Variants in NEK10 observed in about 807,000 individuals in gnomAD.
NEK10 encodes serine/threonine-protein kinase Nek10.
Under a neutral mutation model 159.8 loss-of-function variants are expected in NEK10, and 122 were observed. That is an observed-to-expected ratio of 0.76 (90% CI 0.66 to 0.89). The LOEUF (loss-of-function observed/expected upper bound fraction) is 0.89. Among genes scored for constraint, NEK10 ranks in the 40% least tolerant of loss-of-function variants. The pLI, the probability that NEK10 is intolerant of heterozygous loss-of-function variation, is 0.00. For missense variants in NEK10, 1,342 were observed against 1,323.1 expected (o/e 1.01, Z -0.22); for synonymous variants, 466 against 457.1 (o/e 1.02, Z -0.25).
At chr3:27,186,991 T>G (rs1385940910) in intron 26 of NEK10, among the ~76,000 whole-genome samples, 1 of 152,108 alleles carries the variant, frequency 6.6e-6, no homozygotes, top group African/African-American at 2.4e-5. Context: ...CTGCTTAAAC[T>G]AAGAATGCCA....
intron 1 of NEK10, among the ~76,000 whole-genome samples, chr3:27,362,167 G>C (rs1470097268): frequency 6.6e-6 from 1 of 152,174 alleles, no homozygotes; most frequent in Non-Finnish European, 1.5e-5. Context: ...AGGATGGGCA[G>C]GGGGGTGAAC....
chr3:27,169,474 G>A (rs1459959163), intron 29 of NEK10, among the ~76,000 whole-genome samples: 1 of 152,112 alleles, frequency 6.6e-6, no homozygotes, highest in Non-Finnish European at 1.5e-5. Flanking sequence ...ATATCTTTCT[G>A]ATAGATCATA....
At chr3:27,140,306 T>C (rs1943658487) in intron 31 of NEK10, among the ~76,000 whole-genome samples, 1 of 152,154 alleles carries the variant, frequency 6.6e-6, no homozygotes, top group Non-Finnish European at 1.5e-5. Flanking sequence ...AGCCCCTTGA[T>C]TAAGTGGAAA....
chr3:27,178,860 A>G (rs1947784348), intron 26 of NEK10, among the ~76,000 whole-genome samples: 1 of 152,210 alleles, frequency 6.6e-6, no homozygotes, highest in African/African-American at 2.4e-5. Flanking sequence ...GGGCTGATGG[A>G]ATAAGCCTGG....
chr3:27,357,681 A>AGT (rs2048411395), intron 1 of NEK10, among the ~76,000 whole-genome samples: 1 of 152,232 alleles, frequency 6.6e-6, no homozygotes, highest in Non-Finnish European at 1.5e-5. Flanking sequence ...CTCATGGACC[A>AGT]GTGACACACC....
At chr3:27,154,432 C>T (rs896156139) in intron 30 of NEK10, among the ~76,000 whole-genome samples, 1 of 152,146 alleles carries the variant, frequency 6.6e-6, no homozygotes, top group African/African-American at 2.4e-5. Context: ...AGGGAACCCT[C>T]CCTAATTCAT....
intron 26 of NEK10, among the ~76,000 whole-genome samples, chr3:27,186,734 A>G (rs1948657407): frequency 6.6e-6 from 1 of 152,204 alleles, no homozygotes; most frequent in Admixed American, 6.5e-5. Context: ...GGCACTCAGT[A>G]AATACTTGTT....
intron 25 of NEK10, among the ~76,000 whole-genome samples, chr3:27,193,774 T>C (rs1949328994): frequency 6.6e-6 from 1 of 152,074 alleles, no homozygotes; most frequent in African/African-American, 2.4e-5. Context: ...TACATTCTTT[T>C]TGCACCATTT....
In NEK10 at chr3:27,352,498, C is replaced by T. The variant is rs1317392587; in HGVS notation, c.99G>A (p.Arg33=). 1.7e-5 allele frequency: 28 copies of T among 1,611,180 alleles called. No individual in the cohort carries two copies. The East Asian group carries it at 6.0e-4, about 35-fold the overall frequency. ...TGCTTGATTGGACGTTCAAAAGGCACCGAAGTCTTTTAAGATCTGAATAGT... is the reference window on the plus strand; with the variant it reads ...TGCTTGATTGGACGTTCAAAAGGCATCGAAGTCTTTTAAGATCTGAATAGT... ...IRDYSDLKRL[R]CLLNVQSSKQ... The change falls in exon 3 of 36, where the codon CGG becomes CGA. Residue 33 remains arginine (R), a synonymous_variant. Transcript: ENST00000691995.
At chr3:27,114,618 T>G (rs1043646170) in intron 35 of NEK10, among the ~76,000 whole-genome samples, 3 of 152,204 alleles carry the variant, frequency 2.0e-5, no homozygotes. Flanking sequence ...TTCTATATAA[T>G]GACCTTAACA....
At chr3:27,311,242 T>C (rs929075789) in intron 8 of NEK10, 1 of 372,118 alleles carries the variant, frequency 2.7e-6, no homozygotes, top group East Asian at 4.4e-5. Flanking sequence ...TAATGAAATA[T>C]AAAAATACCA....
At chr3:27,315,983 T>C (rs192560381) in intron 6 of NEK10, among the ~76,000 whole-genome samples, 7 of 152,260 alleles carry the variant, frequency 4.6e-5, no homozygotes, top group Admixed American at 2.0e-4. Context: ...GAATAGAAAT[T>C]GTGCAGACAA....
intron 22 of NEK10, among the ~76,000 whole-genome samples, chr3:27,266,548 C>A (rs2040910726): frequency 6.6e-6 from 1 of 152,202 alleles, no homozygotes; most frequent in Admixed American, 6.5e-5. Flanking sequence ...AATTCTCAAT[C>A]TTAACCCAAA....
At position 27,303,411 on chromosome 3, in the gene NEK10, G is replaced by A. The variant is rs770434460; in HGVS notation, c.1028+1336C>T. On this transcript the variant is annotated intron_variant, in intron 12 of 35. Transcript: ENST00000691995. Reference sequence around the variant, plus strand: ...GGGCAACCCATACCTATTATAATAGGTATGATTGTCCAATAATAAAGAATA... The same window carrying A: ...GGGCAACCCATACCTATTATAATAGATATGATTGTCCAATAATAAAGAATA... Among the ~76,000 whole-genome samples, 4 of 151,926 alleles carry A rather than the reference G, an allele frequency of 2.6e-5. No individual in the cohort carries two copies. The East Asian group carries it at 7.7e-4, about 29-fold the overall frequency.
intron 26 of NEK10, among the ~76,000 whole-genome samples, chr3:27,188,041 G>A (rs557786891): frequency 6.6e-6 from 1 of 152,140 alleles, no homozygotes; most frequent in South Asian, 2.1e-4. Flanking sequence ...AACTTCTCCT[G>A]ATTTCCCTTT....
At chr3:27,177,560 A>G (rs1160703420) in intron 26 of NEK10, among the ~76,000 whole-genome samples, 2 of 151,470 alleles carry the variant, frequency 1.3e-5, no homozygotes, top group African/African-American at 4.9e-5. Context: ...AAAAAAATAT[A>G]TATATATTTC....
chr3:27,227,238 A>G (rs987871411), intron 23 of NEK10, among the ~76,000 whole-genome samples: 1 of 152,190 alleles, frequency 6.6e-6, no homozygotes, highest in Admixed American at 6.5e-5. Context: ...GATGCCCTTG[A>G]GGAAATGGAC....
At chr3:27,156,718 A>G (rs941791373) in intron 30 of NEK10, among the ~76,000 whole-genome samples, 4 of 151,708 alleles carry the variant, frequency 2.6e-5, no homozygotes, top group Non-Finnish European at 4.4e-5. Flanking sequence ...TGTAACTAGT[A>G]CAATCACTAT....
In NEK10 at chr3:27,108,560, C is replaced by T. The variant is rs1396186843; in HGVS notation, c.*2712G>A. On this transcript the variant is annotated 3_prime_UTR_variant, in exon 36 of 36. Transcript: ENST00000691995. ...TAATCTGAAAAGACTGATTCATATT[C>T]TATTCCATGCAAATATTCAGTTACG... Among the ~76,000 whole-genome samples the T allele has an allele frequency of 2.6e-5, 4 of 152,176 alleles. No individual in the cohort carries two copies. Among genetic ancestry groups the T allele is most frequent in the African/African-American group, 7.2e-5 (3 of 41,448 alleles).
Sources: gnomAD v4.1 joint callset for allele counts (sites outside exome capture counted in the v4.1 genomes callset) on GRCh38, gnomAD v4.1.1 for gene constraint, MANE v1.5 for transcripts, NCBI Gene and HGNC (gene_info 2026-07-23, HGNC 2026-07-21) for gene names.